Variants in KLHL8 observed in about 807,000 individuals in gnomAD.
KLHL8 encodes kelch like family member 8.
A neutral mutation model predicts 63.5 loss-of-function variants in KLHL8; 38 were observed. That is an observed-to-expected ratio of 0.60 (90% CI 0.46 to 0.78). The LOEUF (loss-of-function observed/expected upper bound fraction) is 0.78. Ranked by LOEUF, KLHL8 falls within the 30% of genes least tolerant of loss-of-function variation. KLHL8 has a pLI of 0.00. For synonymous variants in KLHL8, 224 were observed against 254.3 expected (o/e 0.88, Z 1.13); for missense variants, 566 against 752.4 (o/e 0.75, Z 2.90).
intron 2 of KLHL8, among the ~76,000 whole-genome samples, chr4:87,188,907 T>G (rs1303855818): frequency 6.6e-6 from 1 of 152,260 alleles, no homozygotes; most frequent in East Asian, 1.9e-4. Flanking sequence ...CTAATTTACA[T>G]TCTTTCTTTG....
chr4:87,177,076 G>C (rs562215104), intron 5 of KLHL8, among the ~76,000 whole-genome samples: 18 of 152,262 alleles, frequency 1.2e-4, no homozygotes, highest in African/African-American at 4.3e-4. Context: ...TCTACATGAA[G>C]TTATTTATTA....
chr4:87,172,181 AGT>A (rs1236922693), intron 6 of KLHL8, among the ~76,000 whole-genome samples: 1 of 152,198 alleles, frequency 6.6e-6, no homozygotes, highest in East Asian at 1.9e-4. Flanking sequence ...AAGTGAATGC[AGT>A]GTGCCATTGC....
intron 2 of KLHL8, among the ~76,000 whole-genome samples, chr4:87,191,751 C>A (rs1289294276): frequency 6.6e-6 from 1 of 150,686 alleles, no homozygotes; most frequent in East Asian, 1.9e-4. Flanking sequence ...TCAATTCATA[C>A]CCCCACCGCC....
At position 87,183,275 on chromosome 4, in the gene KLHL8, G is replaced by T. The variant is rs1489654778; in HGVS notation, c.880C>A (p.Leu294Ile). Residue 294 changes from leucine to isoleucine, a missense_variant, in exon 4 of 10, where the codon CTT becomes ATT. By Grantham distance (5) the Leu-to-Ile change is conservative. Transcript: ENST00000273963. ...DLLDEARNYH[L>I]HLSSRAVPDF... ...GGTACTGCTCTGCTACTCAAGTGAA[G>T]GTGGTAATTTCTTGCTTCATCCAGT... The T allele has an allele frequency of 1.2e-6, 2 of 1,613,848 alleles. No individual in the cohort carries two copies.
chr4:87,188,809 T>C (rs1278107388), intron 2 of KLHL8, among the ~76,000 whole-genome samples: 29 of 152,182 alleles, frequency 1.9e-4, no homozygotes, highest in African/African-American at 6.8e-4. Context: ...TAAAATTGGA[T>C]GAAAAACACA....
chr4:87,223,892 G>A (rs1205449096), upstream of KLHL8, among the ~76,000 whole-genome samples: 2 of 152,104 alleles, frequency 1.3e-5, no homozygotes, highest in Non-Finnish European at 2.9e-5. Flanking sequence ...AGCTCCATTT[G>A]AGAATAAGCA....
intron 1 of KLHL8, among the ~76,000 whole-genome samples, chr4:87,206,308 G>A (rs1732130461): frequency 6.6e-6 from 1 of 152,150 alleles, no homozygotes; most frequent in South Asian, 2.1e-4. Context: ...AGATGCTGCT[G>A]GATTTATCTA....
At position 87,163,836 on chromosome 4, in the gene KLHL8, A is replaced by T. The variant is rs749899046; in HGVS notation, c.1739+42T>A. 4 of 1,580,454 alleles carry T rather than the reference A, an allele frequency of 2.5e-6. No homozygotes were observed. The Admixed American group carries it at 6.7e-5, about 26-fold the overall frequency. ...ACACTCTGAAGTAATCTACTATTATACCAGAAGATAATATAAAGCACGGAG... is the reference window on the plus strand; with the variant it reads ...ACACTCTGAAGTAATCTACTATTATTCCAGAAGATAATATAAAGCACGGAG... On this transcript the variant is annotated intron_variant, in intron 9 of 9. Transcript: ENST00000273963.
chr4:87,195,666 ACT>A lies in KLHL8; in HGVS notation c.-129_-128del. On this transcript the variant is annotated 5_prime_UTR_variant, in exon 2 of 10. It introduces an in-frame stop codon into an upstream open reading frame of the 5' UTR. Transcript: ENST00000273963. ...TCAGACGTTTTTCAAAACCCACTCA[ACT>A]GCCATTGTACAGTTTGCTGTGACTG... The A allele has an allele frequency of 2.8e-6, 2 of 711,294 alleles. No individual in the cohort carries two copies. Among genetic ancestry groups the A allele is most frequent in the Non-Finnish European group, 4.7e-6 (2 of 421,394 alleles). 44.1% of individuals were successfully genotyped at this position (711,294 alleles called of 1,614,324 possible).
chr4:87,230,441 C>G (rs1733115960), intron 1 of KLHL8, among the ~76,000 whole-genome samples: 1 of 152,076 alleles, frequency 6.6e-6, no homozygotes, highest in Admixed American at 6.6e-5. Flanking sequence ...CAAGTAGCAC[C>G]CCTACTATTA....
At chr4:87,208,152 G>A in intron 1 of KLHL8, 3 of 397,708 alleles carry the variant, frequency 7.5e-6, no homozygotes, top group Non-Finnish European at 1.5e-5. Context: ...GTCACTGCTG[G>A]GGAGTCCCTG....
At chr4:87,194,697 C>T (rs2110012660) in intron 2 of KLHL8, among the ~76,000 whole-genome samples, 1 of 152,292 alleles carries the variant, frequency 6.6e-6, no homozygotes, top group South Asian at 2.1e-4. Context: ...TTCCATACTG[C>T]TTTATCACTT....
intron 1 of KLHL8, among the ~76,000 whole-genome samples, chr4:87,239,104 G>A (rs1733285454): frequency 6.6e-6 from 1 of 152,044 alleles, no homozygotes; most frequent in African/African-American, 2.4e-5. Context: ...CACTCAGTAA[G>A]GTTCTTCTCT....
chr4:87,201,211 T>C (rs1731905777), intron 1 of KLHL8, among the ~76,000 whole-genome samples: 1 of 152,230 alleles, frequency 6.6e-6, no homozygotes, highest in Non-Finnish European at 1.5e-5. Context: ...GTACATATAG[T>C]TAACACTAGT....
intron 4 of KLHL8, among the ~76,000 whole-genome samples, chr4:87,182,545 T>C (rs940484625): frequency 6.6e-6 from 1 of 152,166 alleles, no homozygotes; most frequent in Non-Finnish European, 1.5e-5. Flanking sequence ...CACTCATGTC[T>C]CAAATATGTT....
At chr4:87,172,979 T>C (rs1730689615) in intron 6 of KLHL8, among the ~76,000 whole-genome samples, 1 of 152,168 alleles carries the variant, frequency 6.6e-6, no homozygotes, top group African/African-American at 2.4e-5. Context: ...TCAGATAAAA[T>C]ATCCTTGGCA....
At chr4:87,212,752 G>A (rs1411736520) in intron 1 of KLHL8, among the ~76,000 whole-genome samples, 3 of 152,012 alleles carry the variant, frequency 2.0e-5, no homozygotes, top group East Asian at 1.9e-4. Flanking sequence ...TTAGACACAC[G>A]AATAGGTAAC....
intron 2 of KLHL8, among the ~76,000 whole-genome samples, chr4:87,190,465 T>C (rs1016092989): frequency 1.3e-5 from 2 of 151,920 alleles, no homozygotes; most frequent in African/African-American, 4.8e-5. Flanking sequence ...GCCAACATGG[T>C]GAAACCCCAT....
intron 6 of KLHL8, among the ~76,000 whole-genome samples, chr4:87,175,698 T>C (rs961578973): frequency 2.0e-4 from 31 of 152,160 alleles, no homozygotes; most frequent in Admixed American, 2.0e-4. Flanking sequence ...CTAAAAATCT[T>C]CCCTTTAGAC....
Sources: allele counts gnomAD v4.1 joint callset (sites outside exome capture counted in the v4.1 genomes callset), GRCh38; gene constraint gnomAD v4.1.1; transcripts MANE v1.5; gene names NCBI Gene and HGNC (gene_info 2026-07-23, HGNC 2026-07-21).